DENND5B: variants seen among roughly 807,000 people sequenced by gnomAD.
The protein encoded by DENND5B is DENN domain containing 5B.
A neutral mutation model predicts 140.6 loss-of-function variants in DENND5B; 34 were observed. The observed-to-expected ratio is 0.24, with a 90% CI of 0.18 to 0.32. DENND5B has a LOEUF of 0.32. DENND5B is among the 10% of genes least tolerant of loss of function. The pLI is 1.00. For missense variants in DENND5B, 1,142 were observed against 1,560.2 expected, an observed-to-expected ratio of 0.73 and a Z score of 4.52; for synonymous variants, 551 against 562.1, an observed-to-expected ratio of 0.98 and a Z score of 0.28.
In DENND5B at chr12:31,443,063, T is replaced by TGC. The variant is rs944694308; in HGVS notation, c.1862-140_1862-139dup. On this transcript the variant is annotated intron_variant, in intron 6 of 20. Transcript: ENST00000389082. Reference sequence around the variant, plus strand: ...CAGATATTGTGTGTGTGTGTGTGTGTGCACGCACGCACGCATATATGCATG... The same window carrying TGC: ...CAGATATTGTGTGTGTGTGTGTGTGTGCGCACGCACGCACGCATATATGCATG... The TGC allele has an allele frequency of 8.9e-5, 69 of 779,138 alleles. No individual in the cohort carries two copies. In the Admixed American group the frequency reaches 1.2e-3, roughly 13 times the overall value. 48.3% of individuals were successfully genotyped at this position (779,138 alleles called of 1,614,324 possible). A position where few individuals can be genotyped will look rare whatever the true frequency, so the allele number is the denominator to read the frequency against.
At chr12:31,451,604 T>C (rs1944528360) in intron 5 of DENND5B, 1 of 265,594 alleles carries the variant, frequency 3.8e-6, no homozygotes, top group South Asian at 4.0e-5. Flanking sequence ...ATTACAGGCA[T>C]GAGCCACCGT....
At chr12:31,496,441 T>C (rs1222722567) in intron 1 of DENND5B, among the ~76,000 whole-genome samples, 1 of 152,218 alleles carries the variant, frequency 6.6e-6, no homozygotes, top group African/African-American at 2.4e-5. Flanking sequence ...ACATCATTGC[T>C]GAGTCATCCT....
At chr12:31,405,749 T>C (rs1403298455) in intron 14 of DENND5B, among the ~76,000 whole-genome samples, 2 of 152,022 alleles carry the variant, frequency 1.3e-5, no homozygotes, top group Admixed American at 1.3e-4. Flanking sequence ...GGTTTTATCA[T>C]CTTGGCCAGG....
intron 2 of DENND5B, among the ~76,000 whole-genome samples, chr12:31,493,524 T>A (rs1223618892): frequency 6.6e-6 from 1 of 151,654 alleles, no homozygotes; most frequent in Admixed American, 6.6e-5. Context: ...CAAAACCCCA[T>A]CTCTACTAAA....
chr12:31,430,730 C>A (rs117956438), intron 8 of DENND5B, among the ~76,000 whole-genome samples: 1 of 152,070 alleles, frequency 6.6e-6, no homozygotes, highest in South Asian at 2.1e-4. Flanking sequence ...ACAAGCTAGA[C>A]GGTGGCTGTC....
rs1056320 is a variant in DENND5B, at chr12:31,452,110, G to A, written c.1459C>T (p.His487Tyr). The part of the protein sequence containing the change: ...LGEKDKDLKL[H>Y]CEEAELRDYQ... ...TCCCTTAGTTCTGCCTCTTCACAAT[G>A]CAGTTTTAAATCCTTGTCTTTTTCA... is the stretch of plus-strand genomic sequence containing the variant. Residue 487 changes from histidine (H) to tyrosine (Y), a missense_variant, in exon 5 of 21, where the codon CAT becomes TAT. His to Tyr is a moderately conservative substitution (Grantham distance 83, BLOSUM62 2). This residue lies in a region of DENND5B where 708 missense variants were observed against 905.5 expected (regional missense o/e 0.78). Coordinates refer to ENST00000389082, the MANE Select transcript of DENND5B (RefSeq NM_144973.4). 2 of 1,613,744 alleles carry A rather than the reference G, an allele frequency of 1.2e-6. No individual in the cohort carries two copies. The highest frequency in any genetic ancestry group is 1.7e-6 in the Non-Finnish European group (2 of 1,179,844).
intron 15 of DENND5B, 126 bp from the exon 16 acceptor site, chr12:31,399,898 T>A: frequency 1.6e-6 from 1 of 636,676 alleles, no homozygotes; most frequent in Non-Finnish European, 2.8e-6. Context: ...TGTATTCAGC[T>A]ATGCACTAGA....
chr12:31,471,837 T>C (rs1045574855), intron 3 of DENND5B, among the ~76,000 whole-genome samples: 1 of 152,156 alleles, frequency 6.6e-6, no homozygotes, highest in Non-Finnish European at 1.5e-5. Context: ...CAGAAATGAA[T>C]TGAACTGTTT....
intron 4 of DENND5B, among the ~76,000 whole-genome samples, chr12:31,457,593 T>C (rs1358939798): frequency 2.6e-5 from 4 of 152,248 alleles, no homozygotes; most frequent in Admixed American, 2.6e-4. Context: ...TCCAAAATTA[T>C]GTGAAGCAGA....
At chr12:31,455,831 C>T (rs1270652957) in intron 4 of DENND5B, among the ~76,000 whole-genome samples, 1 of 150,676 alleles carries the variant, frequency 6.6e-6, no homozygotes, top group Non-Finnish European at 1.5e-5. Flanking sequence ...ATCAGCCTGA[C>T]CAACATGGTG....
At chr12:31,521,371 C>A (rs779460716) in intron 1 of DENND5B, among the ~76,000 whole-genome samples, 2 of 150,996 alleles carry the variant, frequency 1.3e-5, no homozygotes, top group Admixed American at 1.3e-4. Context: ...TGGCTGCACT[C>A]GAACTCCCGG....
intron 6 of DENND5B, among the ~76,000 whole-genome samples, chr12:31,444,543 C>A (rs1944191287): frequency 6.6e-6 from 1 of 152,162 alleles, no homozygotes; most frequent in African/African-American, 2.4e-5. Context: ...TGTGCCTGGC[C>A]ACAGTGGTAT....
rs1252556522 is a variant in DENND5B, at chr12:31,480,142, G to A, written c.351C>T (p.Leu117=). 3.7e-6 allele frequency: 6 copies of A among 1,610,634 alleles called. No individual in the cohort carries two copies. Among genetic ancestry groups the A allele is most frequent in the South Asian group, 1.1e-5 (1 of 90,656 alleles). Residue 117 remains leucine, a synonymous_variant, in exon 3 of 21, where the codon CTC becomes CTT. Coordinates refer to ENST00000389082, the MANE Select transcript of DENND5B (RefSeq NM_144973.4). The stretch of plus-strand genomic sequence containing the variant: ...TACTTGTAACTTCTTCATAAAAAGT[G>A]AGAACAAAACCATAGGTGCGAGAAC... ...EDGSRTYGFV[L]TFYEEVTSKQ...
chr12:31,589,243 T>C (rs1359624129), intron 1 of DENND5B, among the ~76,000 whole-genome samples: 2 of 152,198 alleles, frequency 1.3e-5, no homozygotes, highest in Non-Finnish European at 1.5e-5. Context: ...TCGAGAAGAA[T>C]CTCTCCAAAT....
At chr12:31,475,881 T>C (rs1337323324) in intron 3 of DENND5B, among the ~76,000 whole-genome samples, 1 of 152,132 alleles carries the variant, frequency 6.6e-6, no homozygotes, top group Non-Finnish European at 1.5e-5. Context: ...CCCAGCACTT[T>C]GGGAGGCCAA....
At chr12:31,495,439 C>T (rs375189241) in intron 2 of DENND5B, among the ~76,000 whole-genome samples, 209 of 137,654 alleles carry the variant, frequency 1.5e-3, no homozygotes, top group African/African-American at 5.1e-3. Flanking sequence ...AGTGCAGTGG[C>T]GTGATCACGG....
At chr12:31,445,170 A>G (rs1411617296) in intron 6 of DENND5B, among the ~76,000 whole-genome samples, 2 of 152,230 alleles carry the variant, frequency 1.3e-5, no homozygotes, top group Non-Finnish European at 2.9e-5. Flanking sequence ...TATCTGGCAA[A>G]GAACAGGTTA....
intron 4 of DENND5B, among the ~76,000 whole-genome samples, chr12:31,453,959 T>C (rs1192797808): frequency 1.3e-5 from 2 of 151,880 alleles, no homozygotes; most frequent in Non-Finnish European, 2.9e-5. Flanking sequence ...CTGGCCAACA[T>C]GGTGAAACTC....
At chr12:31,492,954 T>C (rs1946593019) in intron 2 of DENND5B, among the ~76,000 whole-genome samples, 1 of 152,252 alleles carries the variant, frequency 6.6e-6, no homozygotes, top group Non-Finnish European at 1.5e-5. Context: ...CATTGTACTC[T>C]GTAAGGAATC....
Sources: allele counts gnomAD v4.1 joint callset (sites outside exome capture counted in the v4.1 genomes callset), GRCh38; gene constraint gnomAD v4.1.1; regional missense constraint gnomAD v4.1.1; transcripts MANE v1.5; gene names NCBI Gene and HGNC (gene_info 2026-07-23, HGNC 2026-07-21).